CTNNA2: variants seen among roughly 807,000 people sequenced by gnomAD.
CTNNA2 encodes catenin alpha 2, also known as catenin alpha-2.
Under a neutral mutation model 101.0 loss-of-function variants are expected in CTNNA2, and 42 were observed. The ratio of observed to expected loss-of-function variants is 0.42; its 90% CI spans 0.32 to 0.54. CTNNA2 has a LOEUF of 0.54. CTNNA2 is among the 20% of genes least tolerant of loss of function. The pLI is 0.14. For synonymous variants in CTNNA2, 450 were observed against 456.4 expected (o/e 0.99, Z 0.18); for missense variants, 871 against 1,223.1 (o/e 0.71, Z 4.29).
At chr2:80,404,408 CA>C (rs1678865486) in intron 8 of CTNNA2, among the ~76,000 whole-genome samples, 1 of 151,952 alleles carries the variant, frequency 6.6e-6, no homozygotes, top group East Asian at 1.9e-4. Flanking sequence ...GTAATTCTCT[CA>C]ACAAAGAATG....
chr2:79,782,557 T>C (rs1301802012), intron 3 of CTNNA2, among the ~76,000 whole-genome samples: 1 of 152,182 alleles, frequency 6.6e-6, no homozygotes, highest in African/African-American at 2.4e-5. Flanking sequence ...CTTTTAGATG[T>C]GCTCTCAACT....
chr2:80,546,289 T>G (rs1362555347), intron 11 of CTNNA2, among the ~76,000 whole-genome samples: 1 of 152,204 alleles, frequency 6.6e-6, no homozygotes, highest in African/African-American at 2.4e-5. Flanking sequence ...ATACATTATT[T>G]AAGGTGGCTT....
intron 1 of CTNNA2, among the ~76,000 whole-genome samples, chr2:79,571,528 A>G (rs1675458901): frequency 6.6e-6 from 1 of 152,156 alleles, no homozygotes; most frequent in African/African-American, 2.4e-5. Context: ...ATTGATAATT[A>G]TCATGCCTGG....
intron 10 of CTNNA2, among the ~76,000 whole-genome samples, chr2:80,545,317 T>A (rs1179749799): frequency 6.6e-6 from 1 of 151,912 alleles, no homozygotes; most frequent in African/African-American, 2.4e-5. Context: ...GAGGCTGAAG[T>A]GGGAGGATTG....
intron 2 of CTNNA2, among the ~76,000 whole-genome samples, chr2:79,288,392 G>C (rs1675685177): frequency 6.6e-6 from 1 of 152,172 alleles, no homozygotes; most frequent in African/African-American, 2.4e-5. Context: ...ATCCATCATG[G>C]GTCTGTGGGT....
chr2:80,240,083 C>G (rs1180684194), intron 7 of CTNNA2, among the ~76,000 whole-genome samples: 3 of 152,138 alleles, frequency 2.0e-5, no homozygotes, highest in Non-Finnish European at 4.4e-5. Flanking sequence ...GTGGGGACTA[C>G]CATATGGGCA....
intron 7 of CTNNA2, among the ~76,000 whole-genome samples, chr2:80,037,520 A>G (rs1695748643): frequency 6.6e-6 from 1 of 152,178 alleles, no homozygotes; most frequent in South Asian, 2.1e-4. Flanking sequence ...TAATAGCTTG[A>G]TAATGTGACA....
chr2:79,431,250 G>A (rs371280618), intron 4 of CTNNA2, among the ~76,000 whole-genome samples: 47 of 152,170 alleles, frequency 3.1e-4, no homozygotes, highest in Middle Eastern at 3.4e-3. Flanking sequence ...TTTAGAGACC[G>A]GTAATGTTAT....
intron 2 of CTNNA2, among the ~76,000 whole-genome samples, chr2:79,214,407 G>T (rs1472766066): frequency 6.6e-6 from 1 of 152,118 alleles, no homozygotes; most frequent in African/African-American, 2.4e-5. Flanking sequence ...TTGATAAGGG[G>T]CAGATCCTGA....
At chr2:79,214,740 T>C (rs1338061368) in intron 2 of CTNNA2, among the ~76,000 whole-genome samples, 1 of 151,988 alleles carries the variant, frequency 6.6e-6, no homozygotes. Flanking sequence ...GCGGCTGTAG[T>C]CCAAGAATAG....
intron 2 of CTNNA2, among the ~76,000 whole-genome samples, chr2:79,713,111 A>G (rs540171040): frequency 1.3e-5 from 2 of 152,374 alleles, no homozygotes; most frequent in South Asian, 4.1e-4. Context: ...ATTTCTCTTT[A>G]TAAAGTGGAC....
intron 2 of CTNNA2, among the ~76,000 whole-genome samples, chr2:79,244,473 T>G (rs1674673127): frequency 6.6e-6 from 1 of 152,210 alleles, no homozygotes; most frequent in South Asian, 2.1e-4. Context: ...TGGCGAGTTT[T>G]GTTGAACACA....
chr2:79,371,257 T>G (rs528063213), intron 3 of CTNNA2, among the ~76,000 whole-genome samples: 1 of 152,070 alleles, frequency 6.6e-6, no homozygotes, highest in African/African-American at 2.4e-5. Context: ...GAAGGAGCAC[T>G]TCTCTCAGAA....
At chr2:79,942,014 C>T (rs567551368) in intron 7 of CTNNA2, among the ~76,000 whole-genome samples, 12 of 152,188 alleles carry the variant, frequency 7.9e-5, no homozygotes, top group African/African-American at 2.4e-4. Context: ...ACAACCATAA[C>T]ATCATGTTGG....
chr2:80,319,279 C>G (rs1265057493), intron 7 of CTNNA2, among the ~76,000 whole-genome samples: 1 of 152,070 alleles, frequency 6.6e-6, no homozygotes, highest in African/African-American at 2.4e-5. Flanking sequence ...AATATAATTA[C>G]CTAGCAAGGG....
intron 3 of CTNNA2, among the ~76,000 whole-genome samples, chr2:79,355,443 TC>T (rs2104442288): frequency 6.6e-6 from 1 of 152,322 alleles, no homozygotes; most frequent in African/African-American, 2.4e-5. Flanking sequence ...ATCTTTCCCT[TC>T]CTTGAACATT....
intron 7 of CTNNA2, among the ~76,000 whole-genome samples, chr2:80,344,382 C>A (rs1672527617): frequency 6.6e-6 from 1 of 152,122 alleles, no homozygotes; most frequent in East Asian, 1.9e-4. Context: ...TGCTGACTCC[C>A]AAATTTATGT....
At chr2:79,381,258 G>C (rs1489665522) in intron 4 of CTNNA2, among the ~76,000 whole-genome samples, 1 of 152,112 alleles carries the variant, frequency 6.6e-6, no homozygotes. Context: ...TGAAGAAACT[G>C]AGATGCATGT....
intron 7 of CTNNA2, among the ~76,000 whole-genome samples, chr2:80,055,864 C>T (rs1004916100): frequency 6.6e-6 from 1 of 152,148 alleles, no homozygotes; most frequent in Non-Finnish European, 1.5e-5. Context: ...CCCAAACTGG[C>T]CAAACCCAGG....
Sources: gnomAD v4.1 joint callset for allele counts (sites outside exome capture counted in the v4.1 genomes callset) on GRCh38, gnomAD v4.1.1 for gene constraint, MANE v1.5 for transcripts, NCBI Gene and HGNC (gene_info 2026-07-23, HGNC 2026-07-21) for gene names.